PPARGC1A: variants seen among roughly 807,000 people sequenced by gnomAD.
PPARGC1A encodes PPARG coactivator 1 alpha.
Under a neutral mutation model 88.7 loss-of-function variants are expected in PPARGC1A, and 25 were observed. That is an observed-to-expected ratio of 0.28 (90% CI 0.21 to 0.39). PPARGC1A has a LOEUF of 0.39. PPARGC1A is among the 10% of genes least tolerant of loss of function. The pLI, the probability that PPARGC1A is intolerant of heterozygous loss-of-function variation, is 1.00. For missense variants in PPARGC1A, 880 were observed against 968.7 expected, an observed-to-expected ratio of 0.91 and a Z score of 1.22; for synonymous variants, 363 against 355.6, an observed-to-expected ratio of 1.02 and a Z score of -0.24.
the PPARGC1A span, among the ~76,000 whole-genome samples, chr4:24,183,685 C>T: frequency 6.6e-6 from 1 of 152,136 alleles, no homozygotes; most frequent in African/African-American, 2.4e-5. Context: ...GTTTCCCTTC[C>T]TCACTCTGCT....
rs778868448 is a variant in PPARGC1A at position 23,814,007 on chromosome 4, T to G, written c.1476A>C (p.Glu492Asp). The stretch of plus-strand genomic sequence containing the variant: ...TAAACATAGGTAGTTTGGAGAATTG[T>G]TCATTACTGAAATCACTGTCCCTCA... ...GELRDSDFSNEQFSKLPMFIN... is the reference protein window; with the variant it reads ...GELRDSDFSNDQFSKLPMFIN... Residue 492 changes from glutamate (E) to aspartate (D), a missense_variant, in exon 8 of 13, where the codon GAA (glutamate) becomes GAC (aspartate). Coordinates refer to ENST00000264867, the MANE Select transcript of PPARGC1A (RefSeq NM_013261.5). The G allele has an allele frequency of 5.0e-6, 8 of 1,614,094 alleles. No homozygotes were observed. The South Asian group carries it at 7.7e-5, about 16-fold the overall frequency.
At chr4:24,393,960 A>C in the PPARGC1A span, among the ~76,000 whole-genome samples, 2 of 152,198 alleles carry the variant, frequency 1.3e-5, no homozygotes, top group Admixed American at 6.5e-5. Context: ...TTCTACAAAA[A>C]ATATATATGT....
chr4:24,334,277 C>G, the PPARGC1A span, among the ~76,000 whole-genome samples: 1 of 152,180 alleles, frequency 6.6e-6, no homozygotes, highest in Non-Finnish European at 1.5e-5. Flanking sequence ...ACAATCCTTT[C>G]CCATTTTATA....
chr4:23,953,333 A>T, the PPARGC1A span, among the ~76,000 whole-genome samples: 4 of 152,160 alleles, frequency 2.6e-5, no homozygotes, highest in Admixed American at 6.6e-5. Flanking sequence ...TTCCTCTTGA[A>T]TAAATCTCTT....
the PPARGC1A span, among the ~76,000 whole-genome samples, chr4:24,289,195 G>C: frequency 5.5e-5 from 8 of 145,618 alleles, no homozygotes; most frequent in South Asian, 1.8e-3. Flanking sequence ...ACTCCAGCCT[G>C]GGTGACAGAG....
At chr4:24,304,530 C>G in the PPARGC1A span, among the ~76,000 whole-genome samples, 1 of 152,188 alleles carries the variant, frequency 6.6e-6, no homozygotes. Context: ...CCAACTCGCA[C>G]AGCAAATGCA....
the PPARGC1A span, among the ~76,000 whole-genome samples, chr4:24,262,244 AT>A: frequency 1.3e-5 from 2 of 152,276 alleles, no homozygotes; most frequent in Admixed American, 1.3e-4. Context: ...CTCAGAAAAC[AT>A]TTTGGCAGAA....
the PPARGC1A span, among the ~76,000 whole-genome samples, chr4:24,437,346 T>C: frequency 6.6e-6 from 1 of 151,876 alleles, no homozygotes; most frequent in Non-Finnish European, 1.5e-5. Context: ...AGGGAGGTGC[T>C]CTCCAAGGAA....
intron 10 of PPARGC1A, among the ~76,000 whole-genome samples, chr4:23,809,141 C>G (rs1050933671): frequency 2.6e-5 from 4 of 152,102 alleles, no homozygotes; most frequent in African/African-American, 9.7e-5. Flanking sequence ...TCTGGACTGT[C>G]CTTGTTCCCT....
chr4:23,942,233 T>C, the PPARGC1A span, among the ~76,000 whole-genome samples: 1 of 152,138 alleles, frequency 6.6e-6, no homozygotes, highest in Non-Finnish European at 1.5e-5. Flanking sequence ...CAGGGAGTAA[T>C]ACACAGGAAC....
chr4:24,137,830 C>A, the PPARGC1A span, among the ~76,000 whole-genome samples: 2 of 152,176 alleles, frequency 1.3e-5, no homozygotes, highest in East Asian at 1.9e-4. Context: ...AAAATCCTTT[C>A]CCTGAAATGC....
the PPARGC1A span, among the ~76,000 whole-genome samples, chr4:24,202,483 C>T: frequency 6.6e-6 from 1 of 152,068 alleles, no homozygotes; most frequent in Admixed American, 6.5e-5. Flanking sequence ...TCCCACTGTC[C>T]CTAGTCTTCT....
the PPARGC1A span, among the ~76,000 whole-genome samples, chr4:24,321,181 CAAT>C: frequency 6.6e-6 from 1 of 152,156 alleles, no homozygotes; most frequent in South Asian, 2.1e-4. Flanking sequence ...CCCTCATCCT[CAAT>C]GATACCGTGT....
At chr4:24,216,271 C>T in the PPARGC1A span, among the ~76,000 whole-genome samples, 3 of 151,640 alleles carry the variant, frequency 2.0e-5, no homozygotes, top group Admixed American at 2.0e-4. Flanking sequence ...CCTCAGCCTC[C>T]CGAGTAGCTG....
At chr4:24,310,074 C>T in the PPARGC1A span, among the ~76,000 whole-genome samples, 6 of 152,160 alleles carry the variant, frequency 3.9e-5, no homozygotes, top group South Asian at 1.0e-3. Flanking sequence ...AAAGATATTT[C>T]GCAAAGAGAA....
At chr4:23,939,035 G>C in the PPARGC1A span, among the ~76,000 whole-genome samples, 1 of 152,132 alleles carries the variant, frequency 6.6e-6, no homozygotes, top group Non-Finnish European at 1.5e-5. Context: ...TGACTGCCCA[G>C]CCTGGGCAGC....
chr4:24,276,967 G>A, the PPARGC1A span, among the ~76,000 whole-genome samples: 1 of 152,196 alleles, frequency 6.6e-6, no homozygotes, highest in East Asian at 1.9e-4. Context: ...GCTCTTCTGA[G>A]TACAGACCGC....
chr4:24,342,933 G>A, the PPARGC1A span, among the ~76,000 whole-genome samples: 4 of 152,126 alleles, frequency 2.6e-5, no homozygotes, highest in Non-Finnish European at 5.9e-5. Context: ...TCCAATATTG[G>A]TGACAGAAAA....
chr4:24,290,012 CA>C, the PPARGC1A span, among the ~76,000 whole-genome samples: 2 of 152,116 alleles, frequency 1.3e-5, no homozygotes, highest in Non-Finnish European at 2.9e-5. Context: ...AAAGCTTGTG[CA>C]GGGGAACTCC....
Sources: allele counts gnomAD v4.1 joint callset (sites outside exome capture counted in the v4.1 genomes callset), GRCh38; gene constraint gnomAD v4.1.1; transcripts MANE v1.5; gene names NCBI Gene and HGNC (gene_info 2026-07-23, HGNC 2026-07-21).